SOCS7: variants seen among roughly 807,000 people sequenced by gnomAD.
SOCS7 encodes NAP-4.
Under a neutral mutation model 58.9 loss-of-function variants are expected in SOCS7, and 18 were observed. The observed-to-expected ratio is 0.31, with a 90% CI of 0.21 to 0.45. The LOEUF is 0.45. Ranked by LOEUF, SOCS7 falls within the 20% of genes least tolerant of loss-of-function variation. The pLI is 1.00. For missense variants in SOCS7, 667 were observed against 837.3 expected (o/e 0.80, Z 2.51); for synonymous variants, 388 against 364.3 (o/e 1.06, Z -0.74).
intron 6 of SOCS7, among the ~76,000 whole-genome samples, chr17:38,370,376 G>C (rs1318928180): frequency 6.6e-6 from 1 of 152,106 alleles, no homozygotes; most frequent in Non-Finnish European, 1.5e-5. Flanking sequence ...GTCTCACCCT[G>C]CTGCCCAGGT....
chr17:38,382,437 CA>C (rs1190332565), intron 7 of SOCS7, among the ~76,000 whole-genome samples: 17,072 of 68,628 alleles, frequency 0.25, 928 homozygotes, highest in Middle Eastern at 0.3. Context: ...GACCCTATCT[CA>C]AAAAAAAAAA....
intron 6 of SOCS7, among the ~76,000 whole-genome samples, chr17:38,368,588 G>A (rs556061483): frequency 2.0e-5 from 3 of 151,418 alleles, no homozygotes; most frequent in South Asian, 2.1e-4. Flanking sequence ...TGCAACCTCC[G>A]CCTCCTGGGT....
rs1411971106 is a variant in SOCS7, at chr17:38,386,965, A to C, written c.1682-8344A>C. Among the ~76,000 whole-genome samples, 4 of 150,362 alleles carry C rather than the reference A, an allele frequency of 2.7e-5. No homozygotes were observed. The East Asian group carries it at 7.8e-4, about 29-fold the overall frequency. Reference sequence around the variant, plus strand: ...GCTGGGCGTGGTGGTGGGCACCTATAGTCCCAGCTACTCGGGCAGCTGAGG... The same window carrying C: ...GCTGGGCGTGGTGGTGGGCACCTATCGTCCCAGCTACTCGGGCAGCTGAGG... On this transcript the variant is annotated intron_variant, in intron 7 of 9. Transcript: ENST00000612932.
intron 6 of SOCS7, among the ~76,000 whole-genome samples, chr17:38,373,106 CAAAAA>C (rs372032423): frequency 1.8e-5 from 2 of 113,082 alleles, no homozygotes; most frequent in South Asian, 2.7e-4. Context: ...AACTCTGTCT[CAAAAA>C]AAAAAAAGAA....
chr17:38,360,412 CG>C (rs2144320615), intron 1 of SOCS7, among the ~76,000 whole-genome samples: 1 of 152,024 alleles, frequency 6.6e-6, no homozygotes, highest in Non-Finnish European at 1.5e-5. Context: ...AGGCTGGTCT[CG>C]GGCTCCTGAC....
chr17:38,368,190 A>T, intron 6 of SOCS7, 140 bp downstream of exon 6: 1 of 677,732 alleles, frequency 1.5e-6, no homozygotes, highest in Non-Finnish European at 2.4e-6. Flanking sequence ...GAATATTGAT[A>T]TGAGCGCTGA....
At chr17:38,395,551 A>C (rs953745944) in intron 8 of SOCS7, 107 bp downstream of exon 8, 1 of 1,191,500 alleles carries the variant, frequency 8.4e-7, no homozygotes, top group Admixed American at 2.0e-5. Context: ...AGTCTGGCAT[A>C]AAATATTTGC....
At position 38,355,259 on chromosome 17, in the gene SOCS7, C is replaced by T. The variant is rs587722940; in HGVS notation, c.980+2227C>T. Among the ~76,000 whole-genome samples, 9 of 152,254 alleles carry T rather than the reference C, an allele frequency of 5.9e-5. No homozygotes were observed. In the South Asian group the frequency reaches 1.5e-3, roughly 25 times the overall value. ...TTCCCCCATCTGTAAAATGGGTGAGCGTTGACTGTCTTGTTCCTGTCCTTA... is the reference window on the plus strand; with the variant it reads ...TTCCCCCATCTGTAAAATGGGTGAGTGTTGACTGTCTTGTTCCTGTCCTTA... On this transcript the variant is annotated intron_variant, in intron 1 of 9. Coordinates refer to ENST00000612932, the MANE Select transcript of SOCS7 (RefSeq NM_014598.4).
rs749292124 is a variant in SOCS7, at chr17:38,389,460, ATGGGAG to A, written c.1682-5848_1682-5843del. 6.5e-3 allele frequency among the ~76,000 whole-genome samples: 987 copies of A among 152,216 alleles called. 11 individuals are homozygous for A. The highest frequency in any genetic ancestry group is 0.022 in the African/African-American group (919 of 41,522). Reference sequence around the variant, plus strand: ...AGTCCTAGCTACTTGGAAGACTGAGATGGGAGGATTGCTTGAGTCCAGGAGGTGGAG... The same window carrying A: ...AGTCCTAGCTACTTGGAAGACTGAGAGATTGCTTGAGTCCAGGAGGTGGAG... On this transcript the variant is annotated intron_variant, in intron 7 of 9. Transcript: ENST00000612932.
chr17:38,377,562 A>G (rs892930183), intron 6 of SOCS7, 152 bp from the exon 7 acceptor site: 5 of 558,074 alleles, frequency 9.0e-6, no homozygotes, highest in Non-Finnish European at 1.2e-5. Flanking sequence ...ACTGTGAGAT[A>G]AGCAGGAACA....
intron 7 of SOCS7, among the ~76,000 whole-genome samples, chr17:38,381,676 G>A (rs1357882732): frequency 1.3e-5 from 2 of 151,910 alleles, no homozygotes; most frequent in African/African-American, 2.4e-5. Context: ...GTTAAGACTG[G>A]TATCAGGCTT....
At chr17:38,369,089 C>G (rs967701977) in intron 6 of SOCS7, among the ~76,000 whole-genome samples, 4 of 152,166 alleles carry the variant, frequency 2.6e-5, no homozygotes, top group African/African-American at 9.7e-5. Context: ...GTTTCTGAGG[C>G]TGGGTAATAC....
At chr17:38,381,964 A>AAAC (rs1057250174) in intron 7 of SOCS7, among the ~76,000 whole-genome samples, 2 of 149,768 alleles carry the variant, frequency 1.3e-5, no homozygotes, top group African/African-American at 5.0e-5. Context: ...AAAAAAAAAA[A>AAAC]AAAAAAAAAA....
intron 1 of SOCS7, among the ~76,000 whole-genome samples, chr17:38,358,087 C>T (rs991091830): frequency 1.3e-5 from 2 of 152,170 alleles, no homozygotes; most frequent in African/African-American, 2.4e-5. Context: ...AAGACCTTTG[C>T]CTAAGGCCTG....
At chr17:38,370,414 G>T (rs756525234) in intron 6 of SOCS7, among the ~76,000 whole-genome samples, 3 of 151,926 alleles carry the variant, frequency 2.0e-5, no homozygotes, top group Admixed American at 2.0e-4. Flanking sequence ...ATCATGCCTC[G>T]TCGTAGCCTC....
At chr17:38,371,859 A>G (rs2037872826) in intron 6 of SOCS7, among the ~76,000 whole-genome samples, 1 of 146,848 alleles carries the variant, frequency 6.8e-6, no homozygotes, top group Non-Finnish European at 1.5e-5. Flanking sequence ...AGGAGTTCAG[A>G]TTCCCTTTTC....
chr17:38,387,992 G>A (rs1408096824), intron 7 of SOCS7, among the ~76,000 whole-genome samples: 9 of 151,706 alleles, frequency 5.9e-5, no homozygotes, highest in South Asian at 2.1e-4. Context: ...GGCTGGTCTC[G>A]AACTCCTGAC....
chr17:38,365,166 C>T (rs587759430), intron 3 of SOCS7, 142 bp from the exon 4 acceptor site: 3 of 624,260 alleles, frequency 4.8e-6, no homozygotes. Context: ...TGATTGTTGC[C>T]CTCTGTGCAA....
rs1176759849 is a variant in SOCS7, at chr17:38,352,780, A to G, written c.728A>G (p.Glu243Gly). The G allele has an allele frequency of 1.3e-6, 2 of 1,511,952 alleles. No individual in the cohort carries two copies. Among genetic ancestry groups the G allele is most frequent in the Non-Finnish European group, 1.8e-6 (2 of 1,127,240 alleles). 93.7% of individuals were successfully genotyped at this position (1,511,952 alleles called of 1,614,324 possible). A position where few individuals can be genotyped will look rare whatever the true frequency, so the allele number is the denominator to read the frequency against. ...CCTCTGGGGCGCCTGAGTAGAGGGG[A>G]GCAGCAGCAGCAGCAGCAGCAGCAA... ...LVPLGRLSRGEQQQQQQQQPP... is the reference protein window; with the variant it reads ...LVPLGRLSRGGQQQQQQQQPP... Residue 243 changes from glutamate (E) to glycine (G), a missense_variant, in exon 1 of 10, where the codon GAG becomes GGG. Coordinates refer to ENST00000612932, the MANE Select transcript of SOCS7 (RefSeq NM_014598.4). This position sits in a 1 kb window ranked among gnomAD's most constrained non-coding sequence, Gnocchi z 5.5.
Sources: allele counts gnomAD v4.1 joint callset (sites outside exome capture counted in the v4.1 genomes callset), GRCh38; gene constraint gnomAD v4.1.1; non-coding constraint Gnocchi (gnomAD v3.1); transcripts MANE v1.5; gene names NCBI Gene and HGNC (gene_info 2026-07-23, HGNC 2026-07-21).